SLC3A1: variants seen among roughly 807,000 people sequenced by gnomAD.
SLC3A1 encodes the protein solute carrier family 3 member 1.
A neutral mutation model predicts 60.3 loss-of-function variants in SLC3A1; 78 were observed. The observed-to-expected ratio is 1.29, with a 90% CI of 1.08 to 1.56. The LOEUF (loss-of-function observed/expected upper bound fraction) is 1.56. Among genes scored for constraint, SLC3A1 ranks in the 40% most tolerant of loss-of-function variants. SLC3A1 has a pLI of 0.00. For synonymous variants in SLC3A1, 392 were observed against 307.9 expected, an observed-to-expected ratio of 1.27 and a Z score of -2.86; for missense variants, 1,172 against 858.9, an observed-to-expected ratio of 1.36 and a Z score of -4.56.
chr2:44,307,316 A>C (rs1672182840), intron 7 of SLC3A1, among the ~76,000 whole-genome samples: 1 of 152,206 alleles, frequency 6.6e-6, no homozygotes, highest in Non-Finnish European at 1.5e-5. Flanking sequence ...ACAAGTTTTT[A>C]TAAAAACATG....
chr2:44,320,214 C>A lies in SLC3A1; in HGVS notation c.1633C>A (p.Pro545Thr), dbSNP rs199678349. The change falls in exon 10 of 10, where the codon CCC (proline) becomes ACC (threonine). Residue 545 changes from proline (P) to threonine (T), a missense_variant. By Grantham distance (38) the Pro-to-Thr change is conservative (BLOSUM62 -1). Coordinates refer to ENST00000260649, the MANE Select transcript of SLC3A1 (RefSeq NM_000341.4). ...AAAAAAATAGGTCCAAAAGACTCAG[C>A]CCAGATCGGCTTTGAAGTTATATCA... ...TVNVDVQKTQPRSALKLYQDL... is the reference protein window; with the variant it reads ...TVNVDVQKTQTRSALKLYQDL... 2 of 1,613,482 alleles carry A rather than the reference C, an allele frequency of 1.2e-6. No individual in the cohort carries two copies. Among genetic ancestry groups the A allele is most frequent in the East Asian group, 4.5e-5 (2 of 44,880 alleles).
chr2:44,275,528 G>A lies in SLC3A1; in HGVS notation c.-8G>A, dbSNP rs775047502. 32 of 1,613,108 alleles carry A rather than the reference G, an allele frequency of 2.0e-5. No individual in the cohort carries two copies. Among genetic ancestry groups the A allele is most frequent in the South Asian group, 1.5e-4 (14 of 90,808 alleles). ...GGAAGGCACTCCGAAGACATAAGTC[G>A]GTGAGACATGGCTGAAGATAAAAGC... On this transcript the variant is annotated 5_prime_UTR_variant, in exon 1 of 10. Coordinates refer to ENST00000260649, the MANE Select transcript of SLC3A1 (RefSeq NM_000341.4).
At chr2:44,292,557 C>T (rs926717189) in intron 4 of SLC3A1, among the ~76,000 whole-genome samples, 2 of 151,986 alleles carry the variant, frequency 1.3e-5, no homozygotes, top group African/African-American at 4.8e-5. Flanking sequence ...CAGGCGATTA[C>T]AATAAAATGT....
At position 44,304,262 on chromosome 2, in the gene SLC3A1, T is replaced by TA; in HGVS notation, c.1256_1257insA (p.Ser420PhefsTer7). 6.2e-7 allele frequency: 1 copy of TA among 1,614,186 alleles called. No individual in the cohort carries two copies. Among genetic ancestry groups the TA allele is most frequent in the Non-Finnish European group, 8.5e-7 (1 of 1,180,020 alleles). On this transcript the variant is annotated frameshift_variant, in exon 7 of 10. Coordinates refer to ENST00000260649, the MANE Select transcript of SLC3A1 (RefSeq NM_000341.4). LOFTEE classifies it high-confidence loss of function. ...AATTACCTCAGCATGCTAGACACTG[T>TA]TTCTGGGAACAGCGTGTATGAGGTT...
chr2:44,282,847 A>G (rs2104337438), intron 3 of SLC3A1, among the ~76,000 whole-genome samples: 1 of 152,116 alleles, frequency 6.6e-6, no homozygotes, highest in East Asian at 1.9e-4. Flanking sequence ...TTGTAAAGAC[A>G]GGGCCTCACT....
chr2:44,289,704 C>T (rs990743095), intron 4 of SLC3A1, among the ~76,000 whole-genome samples: 2 of 152,134 alleles, frequency 1.3e-5, no homozygotes, highest in East Asian at 1.9e-4. Flanking sequence ...AATCTCAGCT[C>T]ACTGCAACCT....
At chr2:44,322,392 TTAGAGATTCC>T (rs575207953), downstream of SLC3A1, among the ~76,000 whole-genome samples, 52 of 152,304 alleles carry the variant, frequency 3.4e-4, no homozygotes, top group East Asian at 9.8e-3. Flanking sequence ...AATCTGTCTT[TTAGAGATTCC>T]CAAGAATAAC....
Position 44,284,140 on chromosome 2 carries a change from C to T in SLC3A1, c.766-1892C>T, listed in dbSNP as rs1003855964. On this transcript the variant is annotated intron_variant, in intron 3 of 9. Transcript: ENST00000260649. ...TGTCGCCCAGGCTGGACTGCAGTGG[C>T]GTGATCTTGGCTCACTGCAACCTCT... 1.2e-4 allele frequency among the ~76,000 whole-genome samples: 19 copies of T among 152,088 alleles called. 1 individual carries two copies. Among genetic ancestry groups the T allele is most frequent in the Admixed American group, 1.0e-3 (16 of 15,266 alleles).
Position 44,286,092 on chromosome 2 carries a change from C to T in SLC3A1, c.826C>T (p.His276Tyr), listed in dbSNP as rs1267074391. Reference sequence around the variant, plus strand: ...CGAAGTGCGAAACCAATGTTATTTTCATCAGTTTATGAAAGAGCAACCTGA... The same window carrying T: ...CGAAGTGCGAAACCAATGTTATTTTTATCAGTTTATGAAAGAGCAACCTGA... ...FDEVRNQCYF[H>Y]QFMKEQPDLN... Residue 276 changes from histidine (H) to tyrosine (Y), a missense_variant, in exon 4 of 10, where the codon CAT becomes TAT. Physicochemically the swap from His to Tyr is moderately conservative, Grantham distance 83. Coordinates refer to ENST00000260649, the MANE Select transcript of SLC3A1 (RefSeq NM_000341.4). The T allele has an allele frequency of 1.2e-6, 2 of 1,613,894 alleles. No homozygotes were observed. The highest frequency in any genetic ancestry group is 1.7e-6 in the Non-Finnish European group (2 of 1,179,788).
chr2:44,310,917 CT>C (rs749261281), intron 7 of SLC3A1, among the ~76,000 whole-genome samples: 4 of 151,916 alleles, frequency 2.6e-5, no homozygotes, highest in Non-Finnish European at 4.4e-5. Context: ...ATCTCAGCTT[CT>C]TGAGTAGCTG....
At chr2:44,295,288 G>A (rs1458663175) in intron 4 of SLC3A1, among the ~76,000 whole-genome samples, 2 of 152,180 alleles carry the variant, frequency 1.3e-5, no homozygotes, top group African/African-American at 4.8e-5. Context: ...CCAGGAGTGC[G>A]TGATGTCATG....
chr2:44,314,101 G>A (rs896484946), intron 9 of SLC3A1, 150 bp downstream of exon 9: 19 of 1,528,786 alleles, frequency 1.2e-5, no homozygotes, highest in Non-Finnish European at 1.5e-5. Context: ...TTTGTAAGGA[G>A]TTTGTAAATC....
intron 4 of SLC3A1, among the ~76,000 whole-genome samples, chr2:44,291,726 C>T (rs551466677): frequency 3.9e-5 from 6 of 152,076 alleles, no homozygotes; most frequent in African/African-American, 1.2e-4. Flanking sequence ...TGTGTGGAGG[C>T]GGCGTTTGGA....
At chr2:44,321,697 C>T (rs1046555757), downstream of SLC3A1, 1 of 1,574,932 alleles carries the variant, frequency 6.3e-7, no homozygotes, top group Non-Finnish European at 8.6e-7. Context: ...CCCTCCCCTC[C>T]TGGGTCTCAC....
chr2:44,312,836 A>ACTAT (rs1329696729), intron 8 of SLC3A1, 83 bp downstream of exon 8: 5 of 1,120,432 alleles, frequency 4.5e-6, no homozygotes, highest in South Asian at 4.0e-5. Flanking sequence ...CAGAGAACTT[A>ACTAT]CTATCTCTCT....
chr2:44,322,236 G>A (rs1032784501), downstream of SLC3A1, among the ~76,000 whole-genome samples: 2 of 152,046 alleles, frequency 1.3e-5, no homozygotes, highest in East Asian at 3.9e-4. Context: ...GGTGACAAAT[G>A]GAGATGAATA....
intron 6 of SLC3A1, chr2:44,303,930 A>G (rs1572807569): frequency 3.2e-6 from 2 of 632,828 alleles, no homozygotes; most frequent in South Asian, 1.8e-5. Context: ...TTATGGCTGC[A>G]TAGTATTCCA....
intron 3 of SLC3A1, chr2:44,285,746 C>A (rs1460426879): frequency 1.7e-6 from 1 of 589,200 alleles, no homozygotes; most frequent in Non-Finnish European, 3.3e-6. Flanking sequence ...TTAGTAATGT[C>A]AGTTCCTTAA....
intron 7 of SLC3A1, 95 bp downstream of exon 7, chr2:44,304,433 C>T: frequency 2.1e-6 from 2 of 937,490 alleles, no homozygotes; most frequent in Non-Finnish European, 3.4e-6. Flanking sequence ...CTCTAAGTGA[C>T]CATCACCTCT....
Sources: allele counts gnomAD v4.1 joint callset (sites outside exome capture counted in the v4.1 genomes callset), GRCh38; gene constraint gnomAD v4.1.1; transcripts MANE v1.5; gene names NCBI Gene and HGNC (gene_info 2026-07-23, HGNC 2026-07-21).